The following ITSN1 variants were observed in gnomAD, a reference collection of about 807,000 sequenced individuals.
The protein encoded by ITSN1 is intersectin 1.
ITSN1 carries 58 observed loss-of-function variants against 239.8 expected under a neutral mutation model. That is an observed-to-expected ratio of 0.24 (90% CI 0.20 to 0.30). ITSN1 has a LOEUF of 0.30. Among genes scored for constraint, ITSN1 ranks in the 10% least tolerant of loss-of-function variants. The pLI, the probability that ITSN1 is intolerant of heterozygous loss-of-function variation, is 1.00. For synonymous variants in ITSN1, 780 were observed against 770.8 expected, an observed-to-expected ratio of 1.01 and a Z score of -0.20; for missense variants, 1,558 against 2,103.3, an observed-to-expected ratio of 0.74 and a Z score of 5.07.
chr21:33,754,379 A>G (rs2067774116), intron 7 of ITSN1, among the ~76,000 whole-genome samples: 1 of 152,220 alleles, frequency 6.6e-6, no homozygotes, highest in African/African-American at 2.4e-5. Flanking sequence ...AAAGTTCAGT[A>G]TTTCAGTAAG....
At chr21:33,803,101 A>G (rs1056331071) in intron 20 of ITSN1, among the ~76,000 whole-genome samples, 18 of 152,234 alleles carry the variant, frequency 1.2e-4, no homozygotes, top group African/African-American at 4.3e-4. Context: ...GTGATCAGAA[A>G]AATGCAAGTT....
chr21:33,773,654 A>G (rs1341213642), intron 12 of ITSN1, among the ~76,000 whole-genome samples: 1 of 152,172 alleles, frequency 6.6e-6, no homozygotes, highest in African/African-American at 2.4e-5. Context: ...TCTCAAAAAA[A>G]GAAAGAAACA....
chr21:33,681,424 C>A (rs566974673), intron 1 of ITSN1, among the ~76,000 whole-genome samples: 1 of 151,940 alleles, frequency 6.6e-6, no homozygotes, highest in African/African-American at 2.4e-5. Context: ...AATTAATGAA[C>A]AAAATAGCAA....
intron 12 of ITSN1, among the ~76,000 whole-genome samples, chr21:33,773,980 C>A (rs1204037172): frequency 6.6e-6 from 1 of 152,106 alleles, no homozygotes; most frequent in Non-Finnish European, 1.5e-5. Context: ...GCGCCCGGCC[C>A]CGTAACTCCT....
intron 25 of ITSN1, among the ~76,000 whole-genome samples, 164 bp downstream of exon 25, chr21:33,823,817 C>T (rs993762982): frequency 6.6e-6 from 1 of 152,140 alleles, no homozygotes; most frequent in Non-Finnish European, 1.5e-5. Flanking sequence ...TTTGGCACTG[C>T]GCAGTAAGCA....
chr21:33,779,989 G>A (rs949063806), intron 14 of ITSN1, among the ~76,000 whole-genome samples: 1 of 152,020 alleles, frequency 6.6e-6, no homozygotes, highest in African/African-American at 2.4e-5. Flanking sequence ...GCGCCACCAC[G>A]CCTGGCTAAT....
At chr21:33,730,785 C>T (rs768136342) in intron 4 of ITSN1, among the ~76,000 whole-genome samples, 49 of 151,850 alleles carry the variant, frequency 3.2e-4, no homozygotes, top group African/African-American at 1.1e-3. Flanking sequence ...CTGCAACCTC[C>T]GTCTCCCAGG....
chr21:33,882,384 C>T lies in ITSN1; in HGVS notation c.4483C>T (p.Pro1495Ser). 1 of 1,614,160 alleles carries T rather than the reference C, an allele frequency of 6.2e-7. No homozygotes were observed. Among genetic ancestry groups the T allele is most frequent in the Non-Finnish European group, 8.5e-7 (1 of 1,180,044 alleles). Residue 1495 changes from proline (P) to serine (S), a missense_variant, in exon 35 of 40, where the codon CCT (proline) becomes TCT (serine). Pro to Ser is a moderately conservative substitution (Grantham distance 74, BLOSUM62 -1). This residue lies in a region of ITSN1 where 576 missense variants were observed against 893.3 expected (regional missense o/e 0.64). Coordinates refer to ENST00000381318, the MANE Select transcript of ITSN1 (RefSeq NM_003024.3). The surrounding 1 kb of genome is among the most constrained non-coding windows in gnomAD (Gnocchi z 4.5). ...DFLLLTQITK[P>S]LGSSGTDKVF... ...CCTCCTGCTGACTCAGATCACGAAG[C>T]CTTTGGGGTCTTCTGGCACCGACAA...
At chr21:33,670,050 A>C (rs1392494672) in intron 1 of ITSN1, among the ~76,000 whole-genome samples, 1 of 152,172 alleles carries the variant, frequency 6.6e-6, no homozygotes, top group Non-Finnish European at 1.5e-5. Context: ...TTAGAGCAGT[A>C]GTTGTCAAAC....
chr21:33,762,792 T>G (rs2068443302), intron 9 of ITSN1, among the ~76,000 whole-genome samples: 1 of 152,034 alleles, frequency 6.6e-6, no homozygotes, highest in African/African-American at 2.4e-5. Context: ...GCCTCCTTAG[T>G]AGCTGGGACT....
intron 28 of ITSN1, among the ~76,000 whole-genome samples, chr21:33,835,251 T>C (rs2074536159): frequency 2.0e-5 from 3 of 152,170 alleles, no homozygotes; most frequent in Admixed American, 2.0e-4. Flanking sequence ...TGGGCCTCTT[T>C]GCTTGAGCTG....
intron 4 of ITSN1, among the ~76,000 whole-genome samples, chr21:33,729,226 G>A (rs920539776): frequency 2.6e-5 from 4 of 152,278 alleles, no homozygotes; most frequent in African/African-American, 9.6e-5. Flanking sequence ...CGAGGCAGGA[G>A]GATCACTTGA....
chr21:33,687,852 C>T lies in ITSN1; in HGVS notation c.-32-30945C>T, dbSNP rs985517745. Reference sequence around the variant, plus strand: ...GAGTAAATAAAATAAACATGCGAACCTTTGATGTTAAGCTGAGTTTGTTTG... The same window carrying T: ...GAGTAAATAAAATAAACATGCGAACTTTTGATGTTAAGCTGAGTTTGTTTG... On this transcript the variant is annotated intron_variant, in intron 1 of 39. Transcript: ENST00000381318. Among the ~76,000 whole-genome samples the T allele has an allele frequency of 9.2e-5, 14 of 152,040 alleles. No individual in the cohort carries two copies. The East Asian group carries it at 2.7e-3, about 29-fold the overall frequency.
chr21:33,885,331 T>C, intron 37 of ITSN1, 108 bp from the exon 38 acceptor site: 1 of 1,161,154 alleles, frequency 8.6e-7, no homozygotes, highest in Non-Finnish European at 1.3e-6. Context: ...GAGGGAAGAA[T>C]TACTTTTGAG....
Position 33,882,344 on chromosome 21 carries a change from C to A in ITSN1, c.4443C>A (p.Phe1481Leu). ...AGAGCAACAAGGAGCTGTATGGCTT[C>A]CTTTTCAACGACTTCCTCCTGCTGA... ...KAKSNKELYGFLFNDFLLLTQ... is the reference protein window; with the variant it reads ...KAKSNKELYGLLFNDFLLLTQ... Residue 1481 changes from phenylalanine (F) to leucine (L), a missense_variant, in exon 35 of 40, where the codon TTC becomes TTA. By Grantham distance (22) the Phe-to-Leu change is conservative (BLOSUM62 0). This residue lies in a region of ITSN1 where 576 missense variants were observed against 893.3 expected (regional missense o/e 0.64). Coordinates refer to ENST00000381318, the MANE Select transcript of ITSN1 (RefSeq NM_003024.3). The surrounding 1 kb of genome is among the most constrained non-coding windows in gnomAD (Gnocchi z 4.5). 1 of 1,614,206 alleles carries A rather than the reference C, an allele frequency of 6.2e-7. No individual in the cohort carries two copies. The highest frequency in any genetic ancestry group is 8.5e-7 in the Non-Finnish European group (1 of 1,180,044).
chr21:33,836,784 G>T (rs375925945), intron 29 of ITSN1, 152 bp downstream of exon 29: 48 of 751,756 alleles, frequency 6.4e-5, no homozygotes, highest in East Asian at 5.3e-4. Flanking sequence ...CTTCTGTAAT[G>T]CAAGAGTTTA....
Position 33,766,024 on chromosome 21 carries a change from G to A in ITSN1, c.926+12G>A. The A allele has an allele frequency of 5.0e-6, 8 of 1,613,960 alleles. No homozygotes were observed. Among genetic ancestry groups the A allele is most frequent in the Non-Finnish European group, 6.8e-6 (8 of 1,179,908 alleles). On this transcript the variant is annotated intron_variant, in intron 10 of 39. Coordinates refer to ENST00000381318, the MANE Select transcript of ITSN1 (RefSeq NM_003024.3). ...CCACCTTCTTTTAGGTAAGGAACATGGGCTCTGATCAGGAATTGTATGCGG... is the reference window on the plus strand; with the variant it reads ...CCACCTTCTTTTAGGTAAGGAACATAGGCTCTGATCAGGAATTGTATGCGG...
In ITSN1 at chr21:33,731,619, A is replaced by G. The variant is rs551346501; in HGVS notation, c.186-3425A>G. ...GTATGAAAAGAATACACAATGACCAACTTTATGCCAGAGGTGCAAGATTGG... is the reference window on the plus strand; with the variant it reads ...GTATGAAAAGAATACACAATGACCAGCTTTATGCCAGAGGTGCAAGATTGG... On this transcript the variant is annotated intron_variant, in intron 4 of 39. Coordinates refer to ENST00000381318, the MANE Select transcript of ITSN1 (RefSeq NM_003024.3). 9.8e-5 allele frequency among the ~76,000 whole-genome samples: 15 copies of G among 152,340 alleles called. No individual in the cohort carries two copies. The East Asian group carries it at 2.9e-3, about 29-fold the overall frequency.
chr21:33,776,194 T>C (rs1321254901), intron 14 of ITSN1, among the ~76,000 whole-genome samples: 2 of 152,262 alleles, frequency 1.3e-5, no homozygotes, highest in Non-Finnish European at 2.9e-5. Flanking sequence ...AAATGGTTTA[T>C]TTCTCTTGGG....
Sources: allele counts gnomAD v4.1 joint callset (sites outside exome capture counted in the v4.1 genomes callset), GRCh38; gene constraint gnomAD v4.1.1; regional missense constraint gnomAD v4.1.1; non-coding constraint Gnocchi (gnomAD v3.1); transcripts MANE v1.5; gene names NCBI Gene and HGNC (gene_info 2026-07-23, HGNC 2026-07-21).